LARP1: variants seen among roughly 807,000 people sequenced by gnomAD.
The protein encoded by LARP1 is la-related protein 1.
A neutral mutation model predicts 122.7 loss-of-function variants in LARP1; 36 were observed. That is an observed-to-expected ratio of 0.29 (90% CI 0.22 to 0.39). LARP1 has a LOEUF of 0.39. LARP1 is among the 10% of genes least tolerant of loss of function. The probability of loss-of-function intolerance (pLI) is 1.00; values close to 1 mark genes in which losing one functional copy is unlikely to be tolerated. For missense variants in LARP1, 1,040 were observed against 1,403.6 expected (o/e 0.74, Z 4.14); for synonymous variants, 539 against 528.7 (o/e 1.02, Z -0.27).
intron 1 of LARP1, among the ~76,000 whole-genome samples, chr5:154,764,904 C>T (rs915502472): frequency 2.9e-5 from 3 of 102,472 alleles, no homozygotes; most frequent in African/African-American, 9.8e-5. Context: ...GACTCCATCA[C>T]AAAAAAAAAA....
At chr5:154,786,459 G>C (rs1377072049) in intron 1 of LARP1, 1 of 456,134 alleles carries the variant, frequency 2.2e-6, no homozygotes, top group African/African-American at 2.0e-5. Flanking sequence ...ACAGAAGGTG[G>C]TTTTCCTTCT....
chr5:154,793,566 C>T, intron 4 of LARP1, 29 bp from the exon 5 acceptor site: 1 of 1,614,120 alleles, frequency 6.2e-7, no homozygotes, highest in Non-Finnish European at 8.5e-7. Flanking sequence ...TCCCTCAAGC[C>T]TTTCTCATGT....
At chr5:154,737,536 G>A (rs920456009) in intron 1 of LARP1, among the ~76,000 whole-genome samples, 2 of 148,642 alleles carry the variant, frequency 1.3e-5, no homozygotes, top group Non-Finnish European at 3.0e-5. Context: ...CCGCCTCCCG[G>A]GTTCAAGCAA....
chr5:154,803,846 A>G lies in LARP1; in HGVS notation c.2439+101A>G. On this transcript the variant is annotated intron_variant, in intron 13 of 18. Coordinates refer to ENST00000518297, the MANE Select transcript of LARP1 (RefSeq NM_033551.3). The surrounding 1 kb of genome is among the most constrained non-coding windows in gnomAD (Gnocchi z 4.4). Reference sequence around the variant, plus strand: ...GCCTTGTCTGAGCTAAGGAAGTGCTAAATCCTTCACCTGCTCTGTGTTCTG... The same window carrying G: ...GCCTTGTCTGAGCTAAGGAAGTGCTGAATCCTTCACCTGCTCTGTGTTCTG... The G allele has an allele frequency of 8.2e-7, 1 of 1,217,184 alleles. No individual in the cohort carries two copies. Among genetic ancestry groups the G allele is most frequent in the Non-Finnish European group, 1.2e-6 (1 of 847,534 alleles). The allele number at this position is 1,217,184 out of a possible 1,614,324, so 75.4% of individuals were successfully genotyped here. A position where few individuals can be genotyped will look rare whatever the true frequency, so the allele number is the denominator to read the frequency against.
At chr5:154,795,150 A>G (rs370983792) in intron 7 of LARP1, 25 bp from the exon 8 acceptor site, 19 of 1,611,394 alleles carry the variant, frequency 1.2e-5, no homozygotes, top group Admixed American at 3.3e-5. Context: ...TCCCTCGGTG[A>G]TAACTACTTC....
chr5:154,753,681 C>G (rs149364112), upstream of LARP1, among the ~76,000 whole-genome samples: 18 of 152,332 alleles, frequency 1.2e-4, no homozygotes, highest in Admixed American at 9.1e-4. Flanking sequence ...TTATTTACCC[C>G]CATTTTTCCA....
In LARP1 at chr5:154,790,467, T is replaced by G. The variant is rs1757253188; in HGVS notation, c.498+81T>G. 2.9e-6 allele frequency: 4 copies of G among 1,383,464 alleles called. No homozygotes were observed. The South Asian group carries it at 4.9e-5, about 17-fold the overall frequency. 85.7% of individuals were successfully genotyped at this position (1,383,464 alleles called of 1,614,324 possible). A position where few individuals can be genotyped will look rare whatever the true frequency, so the allele number is the denominator to read the frequency against. On this transcript the variant is annotated intron_variant, in intron 2 of 18. Transcript: ENST00000518297. ...CCTGTTTTAGTGAATGCTCCTGGACTGCCAACTAGTTCTGGATTGTCTGTG... is the reference window on the plus strand; with the variant it reads ...CCTGTTTTAGTGAATGCTCCTGGACGGCCAACTAGTTCTGGATTGTCTGTG...
At chr5:154,764,769 A>G (rs978973577) in intron 1 of LARP1, among the ~76,000 whole-genome samples, 18 of 151,322 alleles carry the variant, frequency 1.2e-4, no homozygotes, top group African/African-American at 3.9e-4. Context: ...GCTGGGCGTC[A>G]TCGTGCACAC....
At chr5:154,797,184 A>AAAAT (rs1337880316) in intron 8 of LARP1, among the ~76,000 whole-genome samples, 1 of 148,946 alleles carries the variant, frequency 6.7e-6, no homozygotes, top group Non-Finnish European at 1.5e-5. Context: ...TTGGTGAGAT[A>AAAAT]AAATACATCA....
At chr5:154,733,128 G>A (rs1756681200) in intron 1 of LARP1, among the ~76,000 whole-genome samples, 1 of 152,204 alleles carries the variant, frequency 6.6e-6, no homozygotes, top group Admixed American at 6.5e-5. Context: ...GACTAAGGTT[G>A]ACCCTTGTCT....
At chr5:154,739,487 A>C (rs1441769984) in intron 1 of LARP1, among the ~76,000 whole-genome samples, 2 of 152,176 alleles carry the variant, frequency 1.3e-5, no homozygotes, top group Non-Finnish European at 2.9e-5. Context: ...CCTCACATTT[A>C]TGTAGTATTT....
upstream of LARP1, chr5:154,712,841 G>A (rs1036191939): frequency 1.4e-5 from 17 of 1,254,282 alleles, no homozygotes; most frequent in Middle Eastern, 5.9e-4. Flanking sequence ...GAGAGCTCCC[G>A]GGCCAGAGCC....
chr5:154,712,436 G>A (rs371749903), upstream of LARP1, among the ~76,000 whole-genome samples: 1 of 152,152 alleles, frequency 6.6e-6, no homozygotes, highest in Non-Finnish European at 1.5e-5. Flanking sequence ...TGCAAGGGCT[G>A]TGTGAACTGG....
At chr5:154,796,004 ATTATATAT>A (rs1757761853) in intron 8 of LARP1, among the ~76,000 whole-genome samples, 3 of 99,862 alleles carry the variant, frequency 3.0e-5, no homozygotes, top group South Asian at 5.3e-4. Flanking sequence ...TTTTATATAT[ATTATATAT>A]TTATATATTA....
chr5:154,755,270 G>A (rs1416789321), upstream of LARP1, among the ~76,000 whole-genome samples: 2 of 146,562 alleles, frequency 1.4e-5, no homozygotes, highest in Non-Finnish European at 3.0e-5. Flanking sequence ...GCGCGCCCCC[G>A]CTGCGCCGTC....
At chr5:154,689,545 A>C (rs986688314) in intron 1 of LARP1, among the ~76,000 whole-genome samples, 1 of 151,618 alleles carries the variant, frequency 6.6e-6, no homozygotes, top group African/African-American at 2.4e-5. Context: ...ACTTGAACCC[A>C]GGAGGCAGAG....
intron 10 of LARP1, among the ~76,000 whole-genome samples, chr5:154,801,540 T>A (rs1161364272): frequency 6.6e-6 from 1 of 152,200 alleles, no homozygotes; most frequent in Non-Finnish European, 1.5e-5. Flanking sequence ...ATTATATAAT[T>A]GAACATCTGG....
At chr5:154,782,203 T>G (rs1756505217) in intron 1 of LARP1, among the ~76,000 whole-genome samples, 1 of 152,206 alleles carries the variant, frequency 6.6e-6, no homozygotes, top group South Asian at 2.1e-4. Context: ...CACAGCAACT[T>G]AGGTCAGTTT....
At position 154,739,574 on chromosome 5, in the gene LARP1, T is replaced by G. The variant is rs1757108724; in HGVS notation, c.205+26444T>G. Among the ~76,000 whole-genome samples, 7 of 152,152 alleles carry G rather than the reference T, an allele frequency of 4.6e-5. 1 individual carries two copies. Among genetic ancestry groups the G allele is most frequent in the Admixed American group, 4.6e-4 (7 of 15,266 alleles). Reference sequence around the variant, plus strand: ...TTGGTTCTATGAAGACATTAAATTTTTTTTTGTAGACACAGGGTCTTGCTA... The same window carrying G: ...TTGGTTCTATGAAGACATTAAATTTGTTTTTGTAGACACAGGGTCTTGCTA... On this transcript the variant is annotated intron_variant, in intron 1 of 18. Coordinates refer to the LARP1 transcript ENST00000336314.
Sources: allele counts gnomAD v4.1 joint callset (sites outside exome capture counted in the v4.1 genomes callset), GRCh38; gene constraint gnomAD v4.1.1; non-coding constraint Gnocchi (gnomAD v3.1); transcripts MANE v1.5; gene names NCBI Gene and HGNC (gene_info 2026-07-23, HGNC 2026-07-21).